The following SLC39A9 variants were observed in gnomAD, a reference collection of about 807,000 sequenced individuals.
The protein encoded by SLC39A9 is zinc transporter ZIP9.
SLC39A9 carries 14 observed loss-of-function variants against 28.4 expected under a neutral mutation model. The observed-to-expected ratio is 0.49, with a 90% CI of 0.33 to 0.77. The LOEUF is 0.77. SLC39A9 is among the 30% of genes least tolerant of loss of function. The probability of loss-of-function intolerance (pLI) is 0.02; values close to 1 mark genes in which losing one functional copy is unlikely to be tolerated. For missense variants in SLC39A9, 283 were observed against 381.1 expected (o/e 0.74, Z 2.14); for synonymous variants, 119 against 149.6 (o/e 0.80, Z 1.49).
At position 69,399,101 on chromosome 14, in the gene SLC39A9, A is replaced by G. The variant is rs1197419965; in HGVS notation, c.-269A>G. ...CTTTTCCCATCTCTGTTAACCCACGAGAATCTAATGACTGGCATCTGAGAA... is the reference window on the plus strand; with the variant it reads ...CTTTTCCCATCTCTGTTAACCCACGGGAATCTAATGACTGGCATCTGAGAA... On this transcript the variant is annotated 5_prime_UTR_variant, in exon 1 of 7. Transcript: ENST00000336643. The G allele has an allele frequency of 4.6e-6, 2 of 434,034 alleles. No homozygotes were observed. Among genetic ancestry groups the G allele is most frequent in the Middle Eastern group, 5.9e-4 (1 of 1,684 alleles). 26.9% of individuals were successfully genotyped at this position (434,034 alleles called of 1,614,324 possible). A position where few individuals can be genotyped will look rare whatever the true frequency, so the allele number is the denominator to read the frequency against.
chr14:69,435,261 C>T (rs1884684589), intron 2 of SLC39A9, among the ~76,000 whole-genome samples: 1 of 152,122 alleles, frequency 6.6e-6, no homozygotes, highest in Non-Finnish European at 1.5e-5. Context: ...AGTGCTATGC[C>T]ATGGTGAATT....
At chr14:69,438,157 G>T (rs1007872755) in intron 2 of SLC39A9, among the ~76,000 whole-genome samples, 2 of 151,726 alleles carry the variant, frequency 1.3e-5, no homozygotes, top group South Asian at 4.2e-4. Context: ...TAGTAGTTGG[G>T]ATTACAGGCA....
At chr14:69,409,107 G>A (rs1489106857) in intron 1 of SLC39A9, among the ~76,000 whole-genome samples, 5 of 152,094 alleles carry the variant, frequency 3.3e-5, no homozygotes, top group Non-Finnish European at 7.4e-5. Context: ...TTTAAAAGAC[G>A]CTGTGGAAAA....
chr14:69,402,690 GA>G (rs1187767630), intron 1 of SLC39A9, among the ~76,000 whole-genome samples: 1 of 151,336 alleles, frequency 6.6e-6, no homozygotes, highest in African/African-American at 2.4e-5. Flanking sequence ...TAAAACAAAG[GA>G]AAAAAAATCC....
At chr14:69,440,338 C>G (rs1884982221) in intron 2 of SLC39A9, among the ~76,000 whole-genome samples, 1 of 152,116 alleles carries the variant, frequency 6.6e-6, no homozygotes, top group Non-Finnish European at 1.5e-5. Context: ...AACCCCAGCA[C>G]TTTGGGAGGT....
chr14:69,455,781 A>T lies in SLC39A9; in HGVS notation c.608A>T (p.Glu203Val), dbSNP rs1405473999. The T allele has an allele frequency of 6.2e-7, 1 of 1,614,194 alleles. No homozygotes were observed. Among genetic ancestry groups the T allele is most frequent in the Admixed American group, 1.7e-5 (1 of 60,024 alleles). ...TCCTTCTTGATGCATGCTGGCTTAG[A>T]GCGGAATCGAATCAGAAAGCACTTG... Reference protein sequence around the residue: ...LVSFLMHAGLERNRIRKHLLV... With the variant: ...LVSFLMHAGLVRNRIRKHLLV... Residue 203 changes from glutamate (E) to valine (V), a missense_variant, in exon 6 of 7, where the codon GAG (glutamate) becomes GTG (valine). By Grantham distance (121) the Glu-to-Val change is moderately radical. Coordinates refer to ENST00000336643, the MANE Select transcript of SLC39A9 (RefSeq NM_018375.5).
intron 1 of SLC39A9, among the ~76,000 whole-genome samples, chr14:69,417,848 AT>A (rs2140265997): frequency 6.6e-6 from 1 of 152,304 alleles, no homozygotes; most frequent in East Asian, 1.9e-4. Flanking sequence ...GAAGTTGCTT[AT>A]CAGCTTAAGG....
At chr14:69,413,014 T>C (rs1883356640) in intron 1 of SLC39A9, among the ~76,000 whole-genome samples, 3 of 152,176 alleles carry the variant, frequency 2.0e-5, no homozygotes, top group African/African-American at 7.2e-5. Flanking sequence ...TGCACTTAGA[T>C]CAGGGTTTTC....
At chr14:69,455,999 G>C (rs937380947) in intron 6 of SLC39A9, 133 bp downstream of exon 6, 1 of 1,037,530 alleles carries the variant, frequency 9.6e-7, no homozygotes, top group Admixed American at 2.8e-5. Flanking sequence ...AAACTATACA[G>C]GGTAAATATC....
intron 1 of SLC39A9, among the ~76,000 whole-genome samples, chr14:69,419,893 C>A (rs901191274): frequency 3.9e-5 from 6 of 152,088 alleles, no homozygotes; most frequent in Non-Finnish European, 8.8e-5. Context: ...ATGTGTGTCC[C>A]TGCATGAGAG....
intron 2 of SLC39A9, among the ~76,000 whole-genome samples, chr14:69,440,502 T>A (rs1225896183): frequency 1.3e-5 from 2 of 152,034 alleles, no homozygotes; most frequent in African/African-American, 4.8e-5. Flanking sequence ...GGAGGATGAC[T>A]TCAGTCCAGG....
chr14:69,401,840 A>G (rs1882649753), intron 1 of SLC39A9, among the ~76,000 whole-genome samples: 2 of 152,246 alleles, frequency 1.3e-5, no homozygotes, highest in Non-Finnish European at 2.9e-5. Context: ...AAAGTTATAT[A>G]TAACTTAAAG....
Position 69,458,378 on chromosome 14 carries a change from C to G in SLC39A9, c.709C>G (p.Leu237Val). ...LGLSKSSKEA[L>V]SEVNATGVAM... Reference sequence around the variant, plus strand: ...TAATTCACAGAGCAGTAAAGAAGCCCTTTCAGAGGTGAACGCCACGGGAGT... The same window carrying G: ...TAATTCACAGAGCAGTAAAGAAGCCGTTTCAGAGGTGAACGCCACGGGAGT... The change falls in exon 7 of 7, where the codon CTT becomes GTT. Residue 237 changes from leucine to valine, a missense_variant. Coordinates refer to ENST00000336643, the MANE Select transcript of SLC39A9 (RefSeq NM_018375.5). The G allele has an allele frequency of 1.2e-6, 2 of 1,614,198 alleles. No homozygotes were observed. Among genetic ancestry groups the G allele is most frequent in the Non-Finnish European group, 1.7e-6 (2 of 1,180,036 alleles).
chr14:69,432,090 G>C (rs1482558953), intron 2 of SLC39A9, among the ~76,000 whole-genome samples: 1 of 152,190 alleles, frequency 6.6e-6, no homozygotes, highest in East Asian at 1.9e-4. Flanking sequence ...TAACGGGATT[G>C]CAGGGTTGAA....
At chr14:69,430,778 A>G (rs979486342) in intron 2 of SLC39A9, among the ~76,000 whole-genome samples, 3 of 152,020 alleles carry the variant, frequency 2.0e-5, no homozygotes, top group Non-Finnish European at 4.4e-5. Flanking sequence ...CTACAGGTGC[A>G]TGCCACCATG....
chr14:69,442,128 A>G lies in SLC39A9; in HGVS notation c.265A>G (p.Lys89Glu). The G allele has an allele frequency of 1.9e-6, 3 of 1,614,194 alleles. No individual in the cohort carries two copies. Among genetic ancestry groups the G allele is most frequent in the Non-Finnish European group, 2.5e-6 (3 of 1,180,026 alleles). The change falls in exon 3 of 7, where the codon AAA (lysine) becomes GAA (glutamate). Residue 89 changes from lysine (K) to glutamate (E), a missense_variant. Lys to Glu is a moderately conservative substitution (Grantham distance 56). Transcript: ENST00000336643. Reference protein sequence around the residue: ...NVIASDKAAEKSVVHEHEHSH... With the variant: ...NVIASDKAAEESVVHEHEHSH... ...GATTGCATCAGACAAAGCAGCAGAAAAATCAGTTGTCCATGAACATGAGCA... is the reference window on the plus strand; with the variant it reads ...GATTGCATCAGACAAAGCAGCAGAAGAATCAGTTGTCCATGAACATGAGCA...
At chr14:69,450,461 C>A (rs1174354928) in intron 3 of SLC39A9, among the ~76,000 whole-genome samples, 2 of 151,942 alleles carry the variant, frequency 1.3e-5, no homozygotes. Flanking sequence ...TTAAAAAAAA[C>A]CTGATTCTAA....
At chr14:69,450,685 C>T (rs56953348) in intron 3 of SLC39A9, among the ~76,000 whole-genome samples, 1 of 151,882 alleles carries the variant, frequency 6.6e-6, no homozygotes, top group African/African-American at 2.4e-5. Flanking sequence ...GGCTGAGATG[C>T]GAGGGAGAAT....
intron 2 of SLC39A9, among the ~76,000 whole-genome samples, chr14:69,437,735 C>T (rs1211483294): frequency 1.3e-5 from 2 of 151,730 alleles, no homozygotes; most frequent in African/African-American, 4.8e-5. Context: ...ATTATAGGTG[C>T]CTGCCATCAT....
Sources: allele counts gnomAD v4.1 joint callset (sites outside exome capture counted in the v4.1 genomes callset), GRCh38; gene constraint gnomAD v4.1.1; transcripts MANE v1.5; gene names NCBI Gene and HGNC (gene_info 2026-07-23, HGNC 2026-07-21).